The following CTNNA2 variants were observed in gnomAD, a reference collection of about 807,000 sequenced individuals.
CTNNA2 encodes the protein catenin alpha-2.
Under a neutral mutation model 101.0 loss-of-function variants are expected in CTNNA2, and 42 were observed. That is an observed-to-expected ratio of 0.42 (90% CI 0.32 to 0.54). The LOEUF is 0.54. Ranked by LOEUF, CTNNA2 falls within the 20% of genes least tolerant of loss-of-function variation. The pLI is 0.14. For synonymous variants in CTNNA2, 450 were observed against 456.4 expected, an observed-to-expected ratio of 0.99 and a Z score of 0.18; for missense variants, 871 against 1,223.1, an observed-to-expected ratio of 0.71 and a Z score of 4.29.
In CTNNA2 at chr2:80,017,252, C is replaced by T. The variant is rs538710740; in HGVS notation, c.1056+107455C>T. ...TGCAGCCTCAGTATCTAAAATAATA[C>T]CTGGCACTATTAGGCACTAGTAGGT... On this transcript the variant is annotated intron_variant, in intron 7 of 18. Coordinates refer to ENST00000402739, the MANE Select transcript of CTNNA2 (RefSeq NM_001282597.3). Among the ~76,000 whole-genome samples, 10 of 152,066 alleles carry T rather than the reference C, an allele frequency of 6.6e-5. No individual in the cohort carries two copies. The South Asian group carries it at 2.1e-3, about 32-fold the overall frequency.
At chr2:80,041,142 T>C (rs1696027452) in intron 7 of CTNNA2, among the ~76,000 whole-genome samples, 1 of 152,048 alleles carries the variant, frequency 6.6e-6, no homozygotes, top group Non-Finnish European at 1.5e-5. Flanking sequence ...ATACGTACTG[T>C]GGCTGAGAAA....
At chr2:79,838,409 G>A (rs1679555109) in intron 3 of CTNNA2, among the ~76,000 whole-genome samples, 1 of 152,030 alleles carries the variant, frequency 6.6e-6, no homozygotes, top group Admixed American at 6.6e-5. Context: ...GGAATGTTGT[G>A]TTTTCGAAAA....
intron 3 of CTNNA2, among the ~76,000 whole-genome samples, chr2:79,818,425 A>G (rs940732472): frequency 6.6e-6 from 1 of 151,568 alleles, no homozygotes; most frequent in African/African-American, 2.4e-5. Context: ...TGATTCTCCT[A>G]CCTCAGCCTC....
At chr2:79,881,771 C>T (rs976102623) in intron 6 of CTNNA2, among the ~76,000 whole-genome samples, 114 of 151,202 alleles carry the variant, frequency 7.5e-4, no homozygotes, top group African/African-American at 2.5e-3. Flanking sequence ...ATTTGCCAGT[C>T]TGTGTCTTTT....
intron 2 of CTNNA2, among the ~76,000 whole-genome samples, chr2:79,299,535 G>A (rs1020141719): frequency 1.1e-4 from 17 of 152,142 alleles, no homozygotes; most frequent in Non-Finnish European, 1.6e-4. Context: ...CTGCCAAACC[G>A]GTGATGGGAG....
intron 7 of CTNNA2, among the ~76,000 whole-genome samples, chr2:80,116,270 T>TG (rs890692540): frequency 6.6e-6 from 1 of 151,810 alleles, no homozygotes; most frequent in African/African-American, 2.4e-5. Context: ...GTTTACCATG[T>TG]GTTTAGAATA....
At chr2:79,454,065 CG>C (rs1292813126) in intron 4 of CTNNA2, among the ~76,000 whole-genome samples, 1 of 152,006 alleles carries the variant, frequency 6.6e-6, no homozygotes, top group Non-Finnish European at 1.5e-5. Context: ...GAAATAGGAT[CG>C]GGAAGAGAAC....
chr2:79,341,743 G>A (rs1677143195), intron 3 of CTNNA2, among the ~76,000 whole-genome samples: 1 of 152,148 alleles, frequency 6.6e-6, no homozygotes, highest in African/African-American at 2.4e-5. Context: ...TGCACTCAGG[G>A]TTTCTCTCCC....
rs527882648 is a variant in CTNNA2 at position 79,829,647 on chromosome 2, A to T, written c.299-28366A>T. Reference sequence around the variant, plus strand: ...CACCTGCTTACTCATGTCTGTTTTTAAAAAAGAGGAGTGCGTATTCCTCGT... The same window carrying T: ...CACCTGCTTACTCATGTCTGTTTTTTAAAAAGAGGAGTGCGTATTCCTCGT... On this transcript the variant is annotated intron_variant, in intron 3 of 18. Coordinates refer to ENST00000402739, the MANE Select transcript of CTNNA2 (RefSeq NM_001282597.3). 4.8e-3 allele frequency among the ~76,000 whole-genome samples: 723 copies of T among 152,102 alleles called. 11 individuals are homozygous for T. The highest frequency in any genetic ancestry group is 5.6e-3 in the Non-Finnish European group (380 of 67,988).
intron 7 of CTNNA2, among the ~76,000 whole-genome samples, chr2:80,057,181 T>G (rs1391287599): frequency 6.6e-6 from 1 of 151,772 alleles, no homozygotes; most frequent in Non-Finnish European, 1.5e-5. Flanking sequence ...AGTTGTTTTT[T>G]TTTTTTTTTA....
At chr2:79,555,933 A>G (rs1010926139) in intron 1 of CTNNA2, among the ~76,000 whole-genome samples, 1 of 152,080 alleles carries the variant, frequency 6.6e-6, no homozygotes, top group South Asian at 2.1e-4. Flanking sequence ...TTGCTCAGAT[A>G]CCTTTTTGGT....
intron 9 of CTNNA2, among the ~76,000 whole-genome samples, chr2:80,497,455 C>G (rs963402792): frequency 6.6e-6 from 1 of 152,188 alleles, no homozygotes; most frequent in Non-Finnish European, 1.5e-5. Flanking sequence ...CTACACTAAA[C>G]ACTAAACTCT....
At chr2:80,103,223 C>T (rs1017229222) in intron 7 of CTNNA2, among the ~76,000 whole-genome samples, 4 of 152,138 alleles carry the variant, frequency 2.6e-5, no homozygotes, top group Non-Finnish European at 5.9e-5. Context: ...GCTGAAAAGT[C>T]CCAGATTGGG....
At chr2:79,507,263 G>A (rs537022928) in intron 5 of CTNNA2, among the ~76,000 whole-genome samples, 9 of 152,148 alleles carry the variant, frequency 5.9e-5, no homozygotes, top group African/African-American at 9.7e-5. Flanking sequence ...AGGATACTGC[G>A]GTTTGAATGT....
chr2:79,657,381 A>G (rs181320116), intron 2 of CTNNA2, among the ~76,000 whole-genome samples: 2 of 151,982 alleles, frequency 1.3e-5, no homozygotes, highest in Admixed American at 6.5e-5. Context: ...AATTACTAAA[A>G]TATTTTCAAG....
chr2:79,237,639 C>A (rs1031665708), intron 2 of CTNNA2, among the ~76,000 whole-genome samples: 1 of 152,202 alleles, frequency 6.6e-6, no homozygotes, highest in Non-Finnish European at 1.5e-5. Context: ...TCAATATTTT[C>A]TTCAAAGATC....
intron 4 of CTNNA2, among the ~76,000 whole-genome samples, chr2:79,403,437 T>A (rs1327607190): frequency 6.6e-6 from 1 of 151,894 alleles, no homozygotes; most frequent in Non-Finnish European, 1.5e-5. Flanking sequence ...GTCCCTCAAC[T>A]GAACTAACCA....
At position 80,137,632 on chromosome 2, in the gene CTNNA2, G is replaced by A. The variant is rs568876341; in HGVS notation, c.1056+227835G>A. Among the ~76,000 whole-genome samples, 83 of 152,186 alleles carry A rather than the reference G, an allele frequency of 5.5e-4. 1 individual carries two copies. The highest frequency in any genetic ancestry group is 1.9e-3 in the African/African-American group (80 of 41,538). ...ACTGGAAAGGTGCTCTCAGGCAATG[G>A]GATAGAATAAGTTAGGAGCTTGGAC... On this transcript the variant is annotated intron_variant, in intron 7 of 18. Coordinates refer to ENST00000402739, the MANE Select transcript of CTNNA2 (RefSeq NM_001282597.3).
intron 7 of CTNNA2, among the ~76,000 whole-genome samples, chr2:80,245,740 A>G (rs1671268153): frequency 6.7e-6 from 1 of 148,462 alleles, no homozygotes; most frequent in Non-Finnish European, 1.5e-5. Context: ...ACTTCATGAC[A>G]TCTCTTTTAT....
Sources: gnomAD v4.1 joint callset for allele counts (sites outside exome capture counted in the v4.1 genomes callset) on GRCh38, gnomAD v4.1.1 for gene constraint, MANE v1.5 for transcripts, NCBI Gene and HGNC (gene_info 2026-07-23, HGNC 2026-07-21) for gene names.